The following SYT2 variants were observed in gnomAD, a reference collection of about 807,000 sequenced individuals.
SYT2 encodes synaptotagmin 2.
Under a neutral mutation model 39.9 loss-of-function variants are expected in SYT2, and 15 were observed. The observed-to-expected ratio is 0.38, with a 90% CI of 0.25 to 0.58. The LOEUF is 0.58. Among genes scored for constraint, SYT2 ranks in the 20% least tolerant of loss-of-function variants. SYT2 has a pLI of 0.70. For missense variants in SYT2, 389 were observed against 530.3 expected, an observed-to-expected ratio of 0.73 and a Z score of 2.62; for synonymous variants, 181 against 204.5, an observed-to-expected ratio of 0.89 and a Z score of 0.98.
At chr1:202,638,253 C>T (rs911343642) in intron 1 of SYT2, among the ~76,000 whole-genome samples, 2 of 152,220 alleles carry the variant, frequency 1.3e-5, no homozygotes, top group Admixed American at 6.5e-5. Context: ...CTCCTCCCCC[C>T]CAGCCCCTCC....
At chr1:202,675,648 T>C (rs1283166740) in intron 1 of SYT2, among the ~76,000 whole-genome samples, 1 of 152,146 alleles carries the variant, frequency 6.6e-6, no homozygotes, top group Non-Finnish European at 1.5e-5. Context: ...ATCCCAGTCC[T>C]CAAGAATGGG....
rs116537281 is a variant in SYT2 at position 202,682,603 on chromosome 1, A to G, written c.-18+27655T>C. Among the ~76,000 whole-genome samples the G allele has an allele frequency of 5.7e-3, 864 of 152,232 alleles. 10 individuals are homozygous for G. The highest frequency in any genetic ancestry group is 0.02 in the African/African-American group (829 of 41,540). Reference sequence around the variant, plus strand: ...CCAGGTGAAGAACACACCTGGACATAGGCGTGGAGTGGCAAAGCACGGAGC... The same window carrying G: ...CCAGGTGAAGAACACACCTGGACATGGGCGTGGAGTGGCAAAGCACGGAGC... On this transcript the variant is annotated intron_variant, in intron 1 of 8. Coordinates refer to ENST00000367268, the MANE Select transcript of SYT2 (RefSeq NM_177402.5).
intron 1 of SYT2, among the ~76,000 whole-genome samples, chr1:202,612,062 A>G (rs1301285217): frequency 6.6e-6 from 1 of 152,142 alleles, no homozygotes; most frequent in Non-Finnish European, 1.5e-5. Context: ...TGTTTCTACA[A>G]TCCACTTTGA....
chr1:202,598,457 C>T (rs1690376926), intron 8 of SYT2, among the ~76,000 whole-genome samples: 1 of 152,212 alleles, frequency 6.6e-6, no homozygotes, highest in Admixed American at 6.5e-5. Context: ...TAACATCATA[C>T]ACATCTCCAT....
At chr1:202,662,381 G>A (rs1167360543) in intron 1 of SYT2, among the ~76,000 whole-genome samples, 1 of 152,264 alleles carries the variant, frequency 6.6e-6, no homozygotes, top group Non-Finnish European at 1.5e-5. Context: ...TTCAAGGCAA[G>A]AAAGTTAACC....
At chr1:202,627,182 T>G (rs1691441513) in intron 1 of SYT2, among the ~76,000 whole-genome samples, 1 of 152,204 alleles carries the variant, frequency 6.6e-6, no homozygotes, top group South Asian at 2.1e-4. Context: ...TGTGTTCCTC[T>G]TGCAGAGACT....
At chr1:202,604,379 C>T in intron 3 of SYT2, 76 bp downstream of exon 3, 1 of 1,507,052 alleles carries the variant, frequency 6.6e-7, no homozygotes, top group South Asian at 1.2e-5. Flanking sequence ...GCCCAGGAGC[C>T]TTTGCTTCCC....
rs141305662 is a variant in SYT2 at position 202,603,107 on chromosome 1, G to A, written c.357C>T (p.Asp119=). The stretch of plus-strand genomic sequence containing the variant: ...CCCCCTCAGTCAGGCCTGTCTCTGC[G>A]TCGTCGTCATCCTGTGGGAGCTGGG... ...KDMKGGQDDD[D]AETGLTEGEG... The change falls in exon 4 of 9, where the codon GAC becomes GAT. Residue 119 remains aspartate (D), a synonymous_variant. Transcript: ENST00000367268. 3.6e-4 allele frequency: 586 copies of A among 1,614,004 alleles called. 2 individuals carry two copies. In the Middle Eastern group the frequency reaches 4.1e-3, roughly 11 times the overall value.
intron 1 of SYT2, among the ~76,000 whole-genome samples, chr1:202,702,866 C>A (rs1168406412): frequency 6.6e-6 from 1 of 152,224 alleles, no homozygotes; most frequent in Non-Finnish European, 1.5e-5. Flanking sequence ...CAAGGACAGT[C>A]CTCAGAGACC....
At chr1:202,672,544 T>C (rs1004103504) in intron 1 of SYT2, among the ~76,000 whole-genome samples, 1 of 151,332 alleles carries the variant, frequency 6.6e-6, no homozygotes, top group South Asian at 2.1e-4. Flanking sequence ...TATGGTAAGA[T>C]TGTATGTTAT....
intron 1 of SYT2, among the ~76,000 whole-genome samples, chr1:202,682,004 G>A (rs1214501277): frequency 6.6e-6 from 1 of 152,208 alleles, no homozygotes; most frequent in Non-Finnish European, 1.5e-5. Flanking sequence ...GGGCCACGGT[G>A]GCTGGTGAGC....
chr1:202,695,248 C>T (rs1445424569), intron 1 of SYT2, among the ~76,000 whole-genome samples: 1 of 152,062 alleles, frequency 6.6e-6, no homozygotes, highest in African/African-American at 2.4e-5. Flanking sequence ...GACCTGTGAC[C>T]CCTGGTAACA....
intron 1 of SYT2, among the ~76,000 whole-genome samples, chr1:202,617,698 T>C (rs775459330): frequency 2.6e-5 from 4 of 152,054 alleles, no homozygotes; most frequent in Non-Finnish European, 4.4e-5. Flanking sequence ...CATCAAGGCC[T>C]CAACCACCTG....
At chr1:202,693,347 C>T (rs1204102018) in intron 1 of SYT2, among the ~76,000 whole-genome samples, 1 of 152,164 alleles carries the variant, frequency 6.6e-6, no homozygotes, top group Non-Finnish European at 1.5e-5. Flanking sequence ...AAGACAGATA[C>T]CCTTCAAGAC....
Position 202,599,399 on chromosome 1 carries a change from G to A in SYT2, c.920-48C>T. 6.4e-7 allele frequency: 1 copy of A among 1,550,660 alleles called. No individual in the cohort carries two copies. Among genetic ancestry groups the A allele is most frequent in the Non-Finnish European group, 8.6e-7 (1 of 1,156,492 alleles). ...CCAGAGAGGTTCCCCTTAGCCCCCAGCCTTCCTGCCGAATGTACCAAGGCC... is the reference window on the plus strand; with the variant it reads ...CCAGAGAGGTTCCCCTTAGCCCCCAACCTTCCTGCCGAATGTACCAAGGCC... On this transcript the variant is annotated intron_variant, in intron 7 of 8. Coordinates refer to ENST00000367268, the MANE Select transcript of SYT2 (RefSeq NM_177402.5). This position sits in a 1 kb window ranked among gnomAD's most constrained non-coding sequence, Gnocchi z 4.4.
At position 202,670,531 on chromosome 1, in the gene SYT2, AG is replaced by A. The variant is rs1182244393; in HGVS notation, c.-18+39726del. On this transcript the variant is annotated intron_variant, in intron 1 of 8. Transcript: ENST00000367268. ...AGTCATTAAATGTCTAGAAAAATGA[AG>A]GGGGAGGGGGAAGAGGAGCACAACT... Among the ~76,000 whole-genome samples, 8 of 152,250 alleles carry A rather than the reference AG, an allele frequency of 5.3e-5. No homozygotes were observed. The East Asian group carries it at 1.5e-3, about 29-fold the overall frequency.
Position 202,623,634 on chromosome 1 carries a change from G to T in SYT2, c.-17-17845C>A, listed in dbSNP as rs1691262554. Among the ~76,000 whole-genome samples, 1 of 152,220 alleles carries T rather than the reference G, an allele frequency of 6.6e-6. No homozygotes were observed. Among genetic ancestry groups the T allele is most frequent in the African/African-American group, 2.4e-5 (1 of 41,452 alleles). ...GGGACCAGCGGGCCCTGGGCTGCCT[G>T]GTGTAGGATACGGAAAGTGTGTAGG... is the stretch of plus-strand genomic sequence containing the variant. On this transcript the variant is annotated intron_variant, in intron 1 of 8. Transcript: ENST00000367268. The surrounding 1 kb of genome is among the most constrained non-coding windows in gnomAD (Gnocchi z 4.2).
In SYT2 at chr1:202,596,609, T is replaced by C; in HGVS notation, c.*148A>G. ...CAGCCATCAAAGGGAAGTTGGTCTT[T>C]AAAAAGAGAAAAACAAGGAAAAACA... On this transcript the variant is annotated 3_prime_UTR_variant, in exon 9 of 9. Coordinates refer to ENST00000367268, the MANE Select transcript of SYT2 (RefSeq NM_177402.5). 1 of 795,844 alleles carries C rather than the reference T, an allele frequency of 1.3e-6. No individual in the cohort carries two copies. The highest frequency in any genetic ancestry group is 1.9e-6 in the Non-Finnish European group (1 of 523,150). 49.3% of individuals were successfully genotyped at this position (795,844 alleles called of 1,614,324 possible).
chr1:202,685,562 G>C (rs746447053), intron 1 of SYT2, among the ~76,000 whole-genome samples: 1 of 152,048 alleles, frequency 6.6e-6, no homozygotes, highest in Non-Finnish European at 1.5e-5. Context: ...TCTTTCCCAG[G>C]TAATTCACCG....
Sources: allele counts gnomAD v4.1 joint callset (sites outside exome capture counted in the v4.1 genomes callset), GRCh38; gene constraint gnomAD v4.1.1; non-coding constraint Gnocchi (gnomAD v3.1); transcripts MANE v1.5; gene names NCBI Gene and HGNC (gene_info 2026-07-23, HGNC 2026-07-21).